DAB1: variants seen among roughly 807,000 people sequenced by gnomAD.
DAB1 encodes the protein DAB adaptor protein 1.
In DAB1, 15 loss-of-function variants were observed where a neutral mutation model predicts 64.6. The ratio of observed to expected loss-of-function variants is 0.23; its 90% CI spans 0.16 to 0.36. The LOEUF is 0.36. DAB1 is among the 10% of genes least tolerant of loss of function. The pLI, the probability that DAB1 is intolerant of heterozygous loss-of-function variation, is 1.00. For synonymous variants in DAB1, 235 were observed against 251.9 expected (o/e 0.93, Z 0.64); for missense variants, 596 against 706.7 (o/e 0.84, Z 1.78).
chr1:58,371,393 C>T (rs1052008369), intron 3 of DAB1, among the ~76,000 whole-genome samples: 2 of 152,082 alleles, frequency 1.3e-5, no homozygotes, highest in Non-Finnish European at 2.9e-5. Context: ...CTCTTAACAG[C>T]GTACAGCAAT....
At chr1:57,545,200 C>A (rs1644843276) in intron 7 of DAB1, among the ~76,000 whole-genome samples, 1 of 152,158 alleles carries the variant, frequency 6.6e-6, no homozygotes, top group Non-Finnish European at 1.5e-5. Flanking sequence ...TCTTAAATGA[C>A]AACTCATTGG....
At chr1:58,144,691 A>T (rs1570412303) in intron 5 of DAB1, among the ~76,000 whole-genome samples, 1 of 152,236 alleles carries the variant, frequency 6.6e-6, no homozygotes, top group Non-Finnish European at 1.5e-5. Context: ...GAAGCATTTT[A>T]TAGGAAAGAA....
At chr1:57,135,909 T>C (rs1298339730) in intron 4 of DAB1, among the ~76,000 whole-genome samples, 1 of 152,002 alleles carries the variant, frequency 6.6e-6, no homozygotes, top group African/African-American at 2.4e-5. Flanking sequence ...TCATAGAAGG[T>C]TTTTCTATTT....
At chr1:57,958,007 C>A (rs531217251) in intron 5 of DAB1, among the ~76,000 whole-genome samples, 1 of 149,234 alleles carries the variant, frequency 6.7e-6, no homozygotes, top group Admixed American at 6.6e-5. Context: ...TTTTTTTAGG[C>A]GGAGTCTAAC....
At chr1:57,231,003 T>G (rs1667635219) in intron 2 of DAB1, among the ~76,000 whole-genome samples, 1 of 152,156 alleles carries the variant, frequency 6.6e-6, no homozygotes, top group South Asian at 2.1e-4. Context: ...GATGAATTAA[T>G]AATTATTAGT....
intron 7 of DAB1, among the ~76,000 whole-genome samples, chr1:57,441,366 CT>C (rs1246914096): frequency 3.7e-5 from 5 of 135,952 alleles, no homozygotes; most frequent in Admixed American, 2.2e-4. Flanking sequence ...TTTCTTCTTT[CT>C]TTTTTTTTGA....
intron 4 of DAB1, among the ~76,000 whole-genome samples, chr1:58,338,007 A>G (rs560274982): frequency 7.4e-6 from 1 of 134,914 alleles, no homozygotes; most frequent in South Asian, 2.4e-4. Flanking sequence ...TATATGAAGA[A>G]AAGCTTAGCC....
At chr1:57,801,683 G>A (rs185087468) in intron 6 of DAB1, among the ~76,000 whole-genome samples, 5 of 151,144 alleles carry the variant, frequency 3.3e-5, no homozygotes, top group East Asian at 2.0e-4. Flanking sequence ...TTTGAGACAC[G>A]ATCTTACTGT....
chr1:57,606,586 A>ATT (rs1645648332), intron 7 of DAB1, among the ~76,000 whole-genome samples: 1 of 68,978 alleles, frequency 1.4e-5, no homozygotes, highest in Non-Finnish European at 2.9e-5. Flanking sequence ...TATATAATAT[A>ATT]ATATATTATA....
At chr1:57,642,090 G>C (rs1646137184) in intron 7 of DAB1, among the ~76,000 whole-genome samples, 1 of 152,060 alleles carries the variant, frequency 6.6e-6, no homozygotes, top group Admixed American at 6.6e-5. Flanking sequence ...GCATATGGAA[G>C]TGCTCAGTGA....
At chr1:57,392,337 A>ACTT (rs1283721432) in intron 1 of DAB1, among the ~76,000 whole-genome samples, 1 of 152,204 alleles carries the variant, frequency 6.6e-6, no homozygotes, top group Non-Finnish European at 1.5e-5. Flanking sequence ...GTGCCACTGC[A>ACTT]CTTCAGCCTG....
intron 7 of DAB1, among the ~76,000 whole-genome samples, chr1:57,641,013 T>G (rs985242641): frequency 1.3e-5 from 2 of 152,210 alleles, no homozygotes; most frequent in African/African-American, 4.8e-5. Context: ...CCACAATGTT[T>G]GGTGTCTGAG....
intron 4 of DAB1, among the ~76,000 whole-genome samples, chr1:58,314,865 T>C (rs555731875): frequency 6.6e-6 from 1 of 152,210 alleles, no homozygotes; most frequent in Non-Finnish European, 1.5e-5. Flanking sequence ...AGGATTTGAT[T>C]TGATCCCTAT....
intron 2 of DAB1, among the ~76,000 whole-genome samples, chr1:57,225,753 C>G (rs971486762): frequency 1.3e-5 from 2 of 152,084 alleles, no homozygotes; most frequent in African/African-American, 4.8e-5. Flanking sequence ...GTAAATCAAC[C>G]CTCTATGAAA....
chr1:58,068,876 C>A (rs1165437377), intron 5 of DAB1, among the ~76,000 whole-genome samples: 1 of 151,658 alleles, frequency 6.6e-6, no homozygotes, highest in African/African-American at 2.4e-5. Flanking sequence ...GAAAGGCAAA[C>A]TGCACCTCTA....
chr1:57,529,952 A>G (rs1337538180), intron 7 of DAB1, among the ~76,000 whole-genome samples: 1 of 152,084 alleles, frequency 6.6e-6, no homozygotes, highest in Non-Finnish European at 1.5e-5. Context: ...AGTGCTTACT[A>G]GATATATGAG....
chr1:57,305,340 GA>G (rs1169830431), intron 1 of DAB1, among the ~76,000 whole-genome samples: 4 of 152,164 alleles, frequency 2.6e-5, no homozygotes, highest in African/African-American at 7.2e-5. Flanking sequence ...GCTGAAAAGG[GA>G]AATCAAAAAT....
chr1:57,282,196 A>C (rs1197264722), intron 2 of DAB1, among the ~76,000 whole-genome samples: 4 of 100,664 alleles, frequency 4.0e-5, no homozygotes, highest in African/African-American at 7.4e-5. Context: ...AAAAAAAAAA[A>C]AAAAAAAAAA....
chr1:58,266,974 C>T (rs950070118), intron 4 of DAB1, among the ~76,000 whole-genome samples: 6 of 148,854 alleles, frequency 4.0e-5, no homozygotes, highest in Middle Eastern at 3.4e-3. Context: ...AATCCCAGCA[C>T]TTTGGGAGGC....
Sources: gnomAD v4.1 joint callset for allele counts (sites outside exome capture counted in the v4.1 genomes callset) on GRCh38, gnomAD v4.1.1 for gene constraint, MANE v1.5 for transcripts, NCBI Gene and HGNC (gene_info 2026-07-23, HGNC 2026-07-21) for gene names.